MMP26: variants seen among roughly 807,000 people sequenced by gnomAD.
MMP26 encodes matrix metalloproteinase-26.
Under a neutral mutation model 31.0 loss-of-function variants are expected in MMP26, and 33 were observed. The observed-to-expected ratio is 1.06, with a 90% CI of 0.81 to 1.42. MMP26 has a LOEUF of 1.42. Among genes scored for constraint, MMP26 ranks in the 40% most tolerant of loss-of-function variants. The pLI is 0.00. For synonymous variants in MMP26, 122 were observed against 114.9 expected (o/e 1.06, Z -0.40); for missense variants, 347 against 316.1 (o/e 1.10, Z -0.74).
At chr11:4,861,718 C>T (rs1241454512) in intron 2 of MMP26, among the ~76,000 whole-genome samples, 1 of 152,028 alleles carries the variant, frequency 6.6e-6, no homozygotes, top group Non-Finnish European at 1.5e-5. Context: ...TAATATAATA[C>T]TTAGCCCAGT....
intron 2 of MMP26, chr11:4,849,185 T>C (rs1849936517): frequency 6.2e-7 from 1 of 1,611,846 alleles, no homozygotes; most frequent in Non-Finnish European, 8.5e-7. Context: ...TATTGGGGGC[T>C]ATCTGAGTTG....
chr11:4,841,080 T>A (rs1849787720), intron 2 of MMP26, among the ~76,000 whole-genome samples: 1 of 152,088 alleles, frequency 6.6e-6, no homozygotes, highest in African/African-American at 2.4e-5. Context: ...AAAGAATTAG[T>A]GAGCCTGAAG....
At chr11:4,862,769 T>G (rs1210868336) in intron 2 of MMP26, among the ~76,000 whole-genome samples, 1 of 152,184 alleles carries the variant, frequency 6.6e-6, no homozygotes, top group African/African-American at 2.4e-5. Context: ...TTTTACAGAT[T>G]TGAGTATCTT....
intron 2 of MMP26, chr11:4,876,340 G>A (rs1021115945): frequency 7.2e-5 from 11 of 152,054 alleles, no homozygotes; most frequent in Non-Finnish European, 1.2e-4. Context: ...CTTTCTCCTA[G>A]ATATTTTAAA....
At chr11:4,848,586 A>G (rs751139569) in intron 2 of MMP26, 6 of 1,607,078 alleles carry the variant, frequency 3.7e-6, no homozygotes, top group Admixed American at 1.7e-5. Flanking sequence ...AAGAACCACA[A>G]ATAGGCTGTA....
chr11:4,826,865 C>T (rs1351766980), intron 2 of MMP26, among the ~76,000 whole-genome samples: 7 of 152,106 alleles, frequency 4.6e-5, no homozygotes, highest in Admixed American at 1.3e-4. Context: ...TTATCAAATA[C>T]GTCTCGGGAT....
At chr11:4,887,761 A>G (rs1414584974) in intron 2 of MMP26, among the ~76,000 whole-genome samples, 1 of 152,130 alleles carries the variant, frequency 6.6e-6, no homozygotes, top group East Asian at 1.9e-4. Context: ...TATACACTGT[A>G]CAAGTGCTAG....
chr11:4,891,680 A>G (rs1214042496), intron 2 of MMP26, among the ~76,000 whole-genome samples: 1 of 152,162 alleles, frequency 6.6e-6, no homozygotes, highest in Non-Finnish European at 1.5e-5. Flanking sequence ...TTTTTGTATG[A>G]TAATGATTAC....
intron 1 of MMP26, among the ~76,000 whole-genome samples, chr11:4,737,472 C>T (rs960576565): frequency 2.0e-4 from 30 of 152,088 alleles, no homozygotes; most frequent in Admixed American, 6.5e-4. Flanking sequence ...GGAGAAACTC[C>T]GTCTCTACTA....
chr11:4,946,858 G>A lies in MMP26; in HGVS notation c.-144-41210G>A, dbSNP rs1230711486. 28 of 1,594,068 alleles carry A rather than the reference G, an allele frequency of 1.8e-5. 2 individuals carry two copies. Among genetic ancestry groups the A allele is most frequent in the Non-Finnish European group, 2.4e-5 (28 of 1,165,244 alleles). On this transcript the variant is annotated intron_variant, in intron 2 of 7. Transcript: ENST00000380390. ...TGAACAGGAAGATGCTTAACACAGT[G>A]GGCAGAGATGATAAAGACAAACCCA... is the stretch of plus-strand genomic sequence containing the variant.
At chr11:4,714,981 G>A (rs749957011) in intron 1 of MMP26, among the ~76,000 whole-genome samples, 34 of 149,206 alleles carry the variant, frequency 2.3e-4, no homozygotes, top group Non-Finnish European at 4.0e-4. Flanking sequence ...TGAGAACACT[G>A]GAGAGCTCTG....
At chr11:4,915,721 G>T in intron 2 of MMP26, 1 of 1,214,154 alleles carries the variant, frequency 8.2e-7, no homozygotes, top group Non-Finnish European at 1.2e-6. Flanking sequence ...GTAAATTGAG[G>T]CAGTACTGGT....
At chr11:4,842,951 G>C (rs1169697057) in intron 2 of MMP26, among the ~76,000 whole-genome samples, 4 of 152,194 alleles carry the variant, frequency 2.6e-5, no homozygotes, top group East Asian at 3.8e-4. Flanking sequence ...AGGGGCTACA[G>C]TTCCCATGCA....
At chr11:4,880,115 A>T (rs1175205664) in intron 2 of MMP26, among the ~76,000 whole-genome samples, 2 of 152,018 alleles carry the variant, frequency 1.3e-5, no homozygotes, top group Non-Finnish European at 2.9e-5. Flanking sequence ...TGAGTTGCTG[A>T]TGGGTTCCAT....
intron 1 of MMP26, among the ~76,000 whole-genome samples, chr11:4,750,435 A>T (rs1848433492): frequency 6.6e-6 from 1 of 152,062 alleles, no homozygotes; most frequent in Non-Finnish European, 1.5e-5. Flanking sequence ...TTCCCAAGGG[A>T]ACATAAATTA....
intron 2 of MMP26, among the ~76,000 whole-genome samples, chr11:4,963,973 G>C (rs1846556095): frequency 6.6e-6 from 1 of 151,736 alleles, no homozygotes; most frequent in African/African-American, 2.4e-5. Context: ...TTTTTTTCTT[G>C]TAAATTTGTT....
chr11:4,991,897 T>C (rs1847009444), intron 6 of MMP26, 67 bp from the exon 7 acceptor site: 3 of 1,376,926 alleles, frequency 2.2e-6, no homozygotes, highest in Non-Finnish European at 9.7e-7. Context: ...CTTTGTCCTA[T>C]TTCACACACT....
At chr11:4,765,994 T>TAA (rs932109328) in intron 1 of MMP26, among the ~76,000 whole-genome samples, 2 of 152,210 alleles carry the variant, frequency 1.3e-5, no homozygotes, top group African/African-American at 4.8e-5. Flanking sequence ...TTCCTTGGTG[T>TAA]TCTTGTTAAG....
At chr11:4,846,231 T>A (rs879571080) in intron 2 of MMP26, among the ~76,000 whole-genome samples, 4 of 152,128 alleles carry the variant, frequency 2.6e-5, no homozygotes, top group Non-Finnish European at 4.4e-5. Flanking sequence ...ATAAAATGAA[T>A]GAGATCCTAT....
Sources: gnomAD v4.1 joint callset for allele counts (sites outside exome capture counted in the v4.1 genomes callset) on GRCh38, gnomAD v4.1.1 for gene constraint, MANE v1.5 for transcripts, NCBI Gene and HGNC (gene_info 2026-07-23, HGNC 2026-07-21) for gene names.